The following CPNE4 variants were observed in gnomAD, a reference collection of about 807,000 sequenced individuals.
CPNE4 encodes the protein copine-4.
In CPNE4, 25 loss-of-function variants were observed where a neutral mutation model predicts 67.9. That is an observed-to-expected ratio of 0.37 (90% CI 0.27 to 0.51). CPNE4 has a LOEUF of 0.51. Among genes scored for constraint, CPNE4 ranks in the 20% least tolerant of loss-of-function variants. The probability of loss-of-function intolerance (pLI) is 0.93; values close to 1 mark genes in which losing one functional copy is unlikely to be tolerated. For synonymous variants in CPNE4, 242 were observed against 244.9 expected (o/e 0.99, Z 0.11); for missense variants, 464 against 690.8 (o/e 0.67, Z 3.68).
At chr3:131,767,148 A>G (rs2083040073) in intron 2 of CPNE4, among the ~76,000 whole-genome samples, 1 of 152,116 alleles carries the variant, frequency 6.6e-6, no homozygotes, top group South Asian at 2.1e-4. Context: ...GGAAGGGAAA[A>G]AGTCTCTTTC....
At chr3:131,626,712 A>G (rs1195978311) in intron 7 of CPNE4, among the ~76,000 whole-genome samples, 2 of 152,226 alleles carry the variant, frequency 1.3e-5, no homozygotes, top group African/African-American at 4.8e-5. Flanking sequence ...TGGCTAGGCT[A>G]AACAACAAAT....
intron 2 of CPNE4, among the ~76,000 whole-genome samples, chr3:131,875,834 T>TAA (rs34899392): frequency 2.6e-4 from 39 of 151,874 alleles, no homozygotes; most frequent in South Asian, 4.1e-4. Flanking sequence ...TAAAGTATAA[T>TAA]AAAAAAAAGA....
chr3:131,582,312 G>A (rs1458686773), intron 8 of CPNE4, among the ~76,000 whole-genome samples: 2 of 152,172 alleles, frequency 1.3e-5, no homozygotes, highest in Non-Finnish European at 2.9e-5. Flanking sequence ...AGAGCTACAG[G>A]AGTGGCTGGG....
intron 8 of CPNE4, among the ~76,000 whole-genome samples, chr3:131,585,647 A>G (rs1270065537): frequency 1.3e-5 from 2 of 152,230 alleles, no homozygotes; most frequent in African/African-American, 2.4e-5. Context: ...GACTATTTCT[A>G]TTCATAGAAG....
intron 2 of CPNE4, among the ~76,000 whole-genome samples, chr3:131,813,213 A>C (rs2084602014): frequency 6.6e-6 from 1 of 151,888 alleles, no homozygotes; most frequent in Non-Finnish European, 1.5e-5. Flanking sequence ...AATCCATAAA[A>C]TAATGGCAGA....
chr3:131,928,989 G>T (rs2070974795), intron 1 of CPNE4, among the ~76,000 whole-genome samples: 1 of 152,122 alleles, frequency 6.6e-6, no homozygotes, highest in South Asian at 2.1e-4. Context: ...GATCTAGATA[G>T]TCTTTTAAAC....
At chr3:131,635,925 CA>C (rs1441594651) in intron 7 of CPNE4, among the ~76,000 whole-genome samples, 1 of 127,348 alleles carries the variant, frequency 7.9e-6, no homozygotes, top group East Asian at 2.1e-4. Flanking sequence ...ACTAAAAATA[CA>C]AAAAATTAGC....
intron 1 of CPNE4, among the ~76,000 whole-genome samples, chr3:131,991,308 T>C (rs1291883283): frequency 7.3e-6 from 1 of 136,294 alleles, no homozygotes; most frequent in Non-Finnish European, 1.7e-5. Context: ...CAGGAAGATG[T>C]GGGAAAGTTT....
At chr3:131,709,028 A>G (rs1354510481) in intron 3 of CPNE4, among the ~76,000 whole-genome samples, 4 of 141,544 alleles carry the variant, frequency 2.8e-5, no homozygotes, top group Non-Finnish European at 6.1e-5. Context: ...TACTCATAAA[A>G]ATGTTATAAT....
At chr3:131,774,329 A>G (rs1002030997) in intron 2 of CPNE4, among the ~76,000 whole-genome samples, 1 of 141,982 alleles carries the variant, frequency 7.0e-6, no homozygotes, top group African/African-American at 2.6e-5. Flanking sequence ...TACGCTGAAA[A>G]AAACGGTAAG....
At chr3:132,037,980 TTC>T (rs1485584344), upstream of CPNE4, 2 of 167,690 alleles carry the variant, frequency 1.2e-5, no homozygotes, top group Non-Finnish European at 1.2e-5. Flanking sequence ...GAAATGGAAT[TTC>T]TGTTTCCTTT....
rs1467276159 is a variant in CPNE4, at chr3:132,001,553, G to GAAAGAAAGAAAGAA, written c.-2+33013_-2+33014insTTCTTTCTTTCTTT. 1.5e-3 allele frequency among the ~76,000 whole-genome samples: 155 copies of GAAAGAAAGAAAGAA among 101,834 alleles called. 2 individuals are homozygous for GAAAGAAAGAAAGAA. The highest frequency in any genetic ancestry group is 2.7e-3 in the African/African-American group (73 of 26,786). 66.8% of individuals were successfully genotyped at this position (101,834 alleles called of 152,430 possible). On this transcript the variant is annotated intron_variant, in intron 1 of 15. Coordinates refer to ENST00000429747, the MANE Select transcript of CPNE4 (RefSeq NM_130808.3). ...GAGAAAGAAAGAGACAAAGAAAAAA[G>GAAAGAAAGAAAGAA]AGAAAGAAAGAAAGAAAGAAAGAAA...
Position 131,533,688 on chromosome 3 carries a change from G to A in CPNE4, c.*1507C>T, listed in dbSNP as rs1361106193. 6.6e-6 allele frequency: 1 copy of A among 152,166 alleles called. No homozygotes were observed. The highest frequency in any genetic ancestry group is 1.5e-5 in the Non-Finnish European group (1 of 68,026). 9.4% of individuals were successfully genotyped at this position (152,166 alleles called of 1,614,324 possible). ...TGCATTTGGTGACATGTATTTGCAA[G>A]ATTAGGATCTATAATTGTAACTGTG... On this transcript the variant is annotated 3_prime_UTR_variant, in exon 16 of 16. Transcript: ENST00000429747.
intron 2 of CPNE4, among the ~76,000 whole-genome samples, chr3:131,769,660 T>G (rs2083114009): frequency 6.6e-6 from 1 of 152,144 alleles, no homozygotes; most frequent in African/African-American, 2.4e-5. Context: ...AACCTCTTTC[T>G]TCATTCCTAT....
chr3:131,861,401 TTTGTGTG>T (rs756242126), intron 2 of CPNE4, among the ~76,000 whole-genome samples: 1 of 115,308 alleles, frequency 8.7e-6, no homozygotes, highest in Non-Finnish European at 1.7e-5. Flanking sequence ...ATATCTCATC[TTTGTGTG>T]TGTGTGTGTG....
At chr3:131,929,213 A>AC (rs1560617815) in intron 1 of CPNE4, among the ~76,000 whole-genome samples, 2 of 149,578 alleles carry the variant, frequency 1.3e-5, no homozygotes, top group Admixed American at 1.3e-4. Flanking sequence ...AAAAAAAAAA[A>AC]AAAAAGATTT....
chr3:131,686,104 T>C, intron 5 of CPNE4, 146 bp from the exon 6 acceptor site: 1 of 594,012 alleles, frequency 1.7e-6, no homozygotes, highest in Admixed American at 3.0e-5. Context: ...CCTCTCTTCC[T>C]GCCCAGTTCT....
chr3:131,615,520 G>T (rs1231811583), intron 7 of CPNE4, among the ~76,000 whole-genome samples: 1 of 152,150 alleles, frequency 6.6e-6, no homozygotes, highest in Non-Finnish European at 1.5e-5. Context: ...ACTAATTGAA[G>T]AACCCTTAGT....
At chr3:131,731,926 C>T (rs2082137346) in intron 2 of CPNE4, among the ~76,000 whole-genome samples, 5 of 152,188 alleles carry the variant, frequency 3.3e-5, no homozygotes, top group African/African-American at 7.2e-5. Flanking sequence ...TTTCTTGCAT[C>T]GAAACCACCT....
Sources: gnomAD v4.1 joint callset for allele counts (sites outside exome capture counted in the v4.1 genomes callset) on GRCh38, gnomAD v4.1.1 for gene constraint, MANE v1.5 for transcripts, NCBI Gene and HGNC (gene_info 2026-07-23, HGNC 2026-07-21) for gene names.